Variants in CRYBG2 observed in about 807,000 individuals in gnomAD.
The protein encoded by CRYBG2 is beta/gamma crystallin domain-containing protein 2.
CRYBG2 carries 106 observed loss-of-function variants against 153.4 expected under a neutral mutation model. The observed-to-expected ratio is 0.69, with a 90% CI of 0.59 to 0.81. The LOEUF (loss-of-function observed/expected upper bound fraction) is 0.81. CRYBG2 is among the 30% of genes least tolerant of loss of function. The pLI is 0.00. For synonymous variants in CRYBG2, 851 were observed against 877.8 expected (o/e 0.97, Z 0.54); for missense variants, 1,996 against 2,112.0 (o/e 0.95, Z 1.08).
chr1:26,349,433 A>G (rs2074263569), intron 1 of CRYBG2, among the ~76,000 whole-genome samples: 1 of 152,070 alleles, frequency 6.6e-6, no homozygotes, highest in African/African-American at 2.4e-5. Flanking sequence ...GCTCTGGGGC[A>G]TGTCCAGCTG....
intron 15 of CRYBG2, among the ~76,000 whole-genome samples, chr1:26,329,143 C>T (rs926762414): frequency 6.6e-6 from 1 of 151,092 alleles, no homozygotes; most frequent in African/African-American, 2.4e-5. Context: ...GCACTCTGAG[C>T]CAGGATGGAA....
chr1:26,333,437 A>G (rs952955734), intron 14 of CRYBG2, among the ~76,000 whole-genome samples: 4 of 152,092 alleles, frequency 2.6e-5, no homozygotes, highest in African/African-American at 9.7e-5. Flanking sequence ...GTGGTGGTTC[A>G]TGCCTATAAT....
chr1:26,344,366 C>T lies in CRYBG2; in HGVS notation c.2292G>A (p.Leu764=), dbSNP rs1317329404. The change falls in exon 2 of 20, where the codon CTG becomes CTA. Residue 764 remains leucine, a synonymous_variant. Transcript: ENST00000308182. ...EEDEVALAAD[L]EIFLDTLRSM... is the part of the protein sequence containing the mutation. Reference sequence around the variant, plus strand: ...TCCGCAGCGTATCCAGGAATATCTCCAGGTCAGCGGCCAGGGCCACCTCAT... The same window carrying T: ...TCCGCAGCGTATCCAGGAATATCTCTAGGTCAGCGGCCAGGGCCACCTCAT... 6.6e-7 allele frequency: 1 copy of T among 1,511,342 alleles called. No homozygotes were observed. Among genetic ancestry groups the T allele is most frequent in the Middle Eastern group, 1.7e-4 (1 of 5,794 alleles). 93.6% of individuals were successfully genotyped at this position (1,511,342 alleles called of 1,614,324 possible).
Position 26,343,877 on chromosome 1 carries a change from G to T in CRYBG2, c.2781C>A (p.Gly927=), listed in dbSNP as rs2074164886. The change falls in exon 2 of 20, where the codon GGC becomes GGA. Residue 927 remains glycine, a synonymous_variant. Coordinates refer to ENST00000308182, the MANE Select transcript of CRYBG2 (RefSeq NM_001039775.4). The surrounding 1 kb of genome is among the most constrained non-coding windows in gnomAD (Gnocchi z 4.1). ...GGGGCAGCAGAGCAGATAGTTTTGT[G>T]CCCAGCGGTTCCGGGGTGGAGGCCT... ...AKEASTPEPL[G]TKLSALLPHG... The T allele has an allele frequency of 6.6e-7, 1 of 1,513,906 alleles. No homozygotes were observed. Among genetic ancestry groups the T allele is most frequent in the Non-Finnish European group, 8.9e-7 (1 of 1,127,922 alleles). The allele number at this position is 1,513,906 out of a possible 1,614,324, so 93.8% of individuals were successfully genotyped here.
chr1:26,339,175 C>T (rs2074097622), intron 6 of CRYBG2, 115 bp downstream of exon 6: 5 of 1,362,040 alleles, frequency 3.7e-6, no homozygotes, highest in Non-Finnish European at 4.9e-6. Context: ...TTGCCTGTCC[C>T]CACCAGTGGA....
At chr1:26,337,205 T>A in intron 10 of CRYBG2, 48 bp downstream of exon 10, 1 of 1,607,848 alleles carries the variant, frequency 6.2e-7, no homozygotes, top group East Asian at 2.2e-5. Context: ...CTGGGGGAGG[T>A]CTGGCTGTGG....
intron 18 of CRYBG2, 66 bp downstream of exon 18, chr1:26,324,086 C>G: frequency 6.5e-7 from 1 of 1,538,586 alleles, no homozygotes; most frequent in Non-Finnish European, 8.8e-7. Context: ...TGGGCTGGGA[C>G]TCCCCAGAGT....
At chr1:26,329,928 G>T (rs1472968020) in intron 15 of CRYBG2, among the ~76,000 whole-genome samples, 1 of 152,090 alleles carries the variant, frequency 6.6e-6, no homozygotes, top group African/African-American at 2.4e-5. Context: ...GTAGAGACGG[G>T]GTTTCATCAT....
intron 5 of CRYBG2, among the ~76,000 whole-genome samples, chr1:26,342,207 C>T (rs2074139848): frequency 6.6e-6 from 1 of 152,164 alleles, no homozygotes; most frequent in Admixed American, 6.5e-5. Context: ...GCTCTGTCCC[C>T]TTCCTGCTTG....
At position 26,325,097 on chromosome 1, in the gene CRYBG2, T is replaced by C. The variant is rs2073906932; in HGVS notation, c.4579-787A>G. 1 of 152,226 alleles carries C rather than the reference T, an allele frequency of 6.6e-6. No individual in the cohort carries two copies. The highest frequency in any genetic ancestry group is 1.5e-5 in the Non-Finnish European group (1 of 68,048). The allele number at this position is 152,226 out of a possible 1,614,324, so 9.4% of individuals were successfully genotyped here. The stretch of plus-strand genomic sequence containing the variant: ...TGCAGAGCAAATCCGTGTCCACTTC[T>C]CTGGGCCTTTATTTCCCCATCTGTA... On this transcript the variant is annotated intron_variant, in intron 17 of 19. Coordinates refer to ENST00000308182, the MANE Select transcript of CRYBG2 (RefSeq NM_001039775.4). This position sits in a 1 kb window ranked among gnomAD's most constrained non-coding sequence, Gnocchi z 4.1.
intron 17 of CRYBG2, chr1:26,326,947 C>T (rs886325605): frequency 1.0e-5 from 5 of 487,812 alleles, no homozygotes; most frequent in East Asian, 5.5e-5. Flanking sequence ...TAAATGTGTT[C>T]GTGGCAGGAT....
rs914403808 is a variant in CRYBG2, at chr1:26,336,453, C to A, written c.4039-83G>T. On this transcript the variant is annotated intron_variant, in intron 12 of 19. Transcript: ENST00000308182. This position sits in a 1 kb window ranked among gnomAD's most constrained non-coding sequence, Gnocchi z 4.9. ...CTCTAGGTTTCAGTACCGTCCACCC[C>A]GCGGCCGCGCCCTCGGCCCCGCCCC... The A allele has an allele frequency of 2.2e-5, 34 of 1,567,370 alleles. No homozygotes were observed. Among genetic ancestry groups the A allele is most frequent in the Non-Finnish European group, 2.7e-5 (31 of 1,156,248 alleles).
At position 26,328,221 on chromosome 1, in the gene CRYBG2, G is replaced by A. The variant is rs1464070900; in HGVS notation, c.4566C>T (p.Tyr1522=). 6.4e-7 allele frequency: 1 copy of A among 1,564,700 alleles called. No individual in the cohort carries two copies. The highest frequency in any genetic ancestry group is 1.2e-5 in the South Asian group (1 of 85,012). The change falls in exon 17 of 20, where the codon TAC becomes TAT. Residue 1522 remains tyrosine, a synonymous_variant. Transcript: ENST00000308182. Reference sequence around the variant, plus strand: ...CCACGCTACCCACCTGCTTGATGGGGTAGAGGGAGCCCACCCTCTGGGTGC... The same window carrying A: ...CCACGCTACCCACCTGCTTGATGGGATAGAGGGAGCCCACCCTCTGGGTGC... The part of the protein sequence containing the change: ...YSGTQRVGSL[Y]PIKQRRVYFR...
At chr1:26,328,099 A>G in intron 17 of CRYBG2, 110 bp downstream of exon 17, 1 of 1,421,110 alleles carries the variant, frequency 7.0e-7, no homozygotes, top group Non-Finnish European at 9.3e-7. Flanking sequence ...AGTTGTGACA[A>G]AAGTACACAA....
intron 18 of CRYBG2, among the ~76,000 whole-genome samples, chr1:26,323,234 C>A (rs924815480): frequency 2.6e-5 from 4 of 151,978 alleles, no homozygotes; most frequent in Non-Finnish European, 5.9e-5. Context: ...GTGCATGCCA[C>A]CACATCCGGC....
chr1:26,336,523 G>A lies in CRYBG2; in HGVS notation c.4038+83C>T, dbSNP rs1323901629. 6.5e-7 allele frequency: 1 copy of A among 1,542,972 alleles called. No homozygotes were observed. Among genetic ancestry groups the A allele is most frequent in the Admixed American group, 2.0e-5 (1 of 49,778 alleles). On this transcript the variant is annotated intron_variant, in intron 12 of 19. Transcript: ENST00000308182. The surrounding 1 kb of genome is among the most constrained non-coding windows in gnomAD (Gnocchi z 4.9). ...AGCGCCCAGGCAGGTCCTCCAGCCC[G>A]CTACCTCTGCGTGGGGGCGGGGCGC...
chr1:26,332,485 T>C (rs1437061948), intron 14 of CRYBG2, among the ~76,000 whole-genome samples: 5 of 151,994 alleles, frequency 3.3e-5, no homozygotes, highest in Admixed American at 2.0e-4. Context: ...TGCCATAAAA[T>C]TCACACTTTT....
At position 26,336,395 on chromosome 1, in the gene CRYBG2, A is replaced by C; in HGVS notation, c.4039-25T>G. 6.2e-7 allele frequency: 1 copy of C among 1,612,304 alleles called. No homozygotes were observed. Among genetic ancestry groups the C allele is most frequent in the Non-Finnish European group, 8.5e-7 (1 of 1,179,152 alleles). On this transcript the variant is annotated intron_variant, in intron 12 of 19. Coordinates refer to ENST00000308182, the MANE Select transcript of CRYBG2 (RefSeq NM_001039775.4). The surrounding 1 kb of genome is among the most constrained non-coding windows in gnomAD (Gnocchi z 4.9). ...CCTGAAGGTAGGGACCGAATCGAGA[A>C]TTAGGGAGGGTGCCGGCCCCTAGCC... is the stretch of plus-strand genomic sequence containing the variant.
chr1:26,334,938 AAAACAAAC>A (rs71581057), intron 14 of CRYBG2, among the ~76,000 whole-genome samples: 4 of 151,432 alleles, frequency 2.6e-5, no homozygotes, highest in African/African-American at 9.7e-5. Context: ...ACAAACAAAC[AAAACAAAC>A]AAACAAACAA....
Sources: gnomAD v4.1 joint callset for allele counts (sites outside exome capture counted in the v4.1 genomes callset) on GRCh38, gnomAD v4.1.1 for gene constraint, Gnocchi (gnomAD v3.1) non-coding constraint, MANE v1.5 for transcripts, NCBI Gene and HGNC (gene_info 2026-07-23, HGNC 2026-07-21) for gene names.